Variants in DIS3L2 observed in about 807,000 individuals in gnomAD.
DIS3L2 encodes DIS3 like 3'-5' exoribonuclease 2.
A neutral mutation model predicts 97.5 loss-of-function variants in DIS3L2; 34 were observed. The observed-to-expected ratio is 0.35, with a 90% CI of 0.27 to 0.46. The LOEUF (loss-of-function observed/expected upper bound fraction) is 0.46, where lower values mean the gene tolerates loss of function less well. DIS3L2 is among the 20% of genes least tolerant of loss of function. DIS3L2 has a pLI of 1.00. For synonymous variants in DIS3L2, 435 were observed against 445.2 expected, an observed-to-expected ratio of 0.98 and a Z score of 0.29; for missense variants, 1,038 against 1,146.0, an observed-to-expected ratio of 0.91 and a Z score of 1.36.
At chr2:232,128,554 A>G (rs977540574) in intron 6 of DIS3L2, among the ~76,000 whole-genome samples, 1 of 138,852 alleles carries the variant, frequency 7.2e-6, no homozygotes, top group African/African-American at 2.7e-5. Flanking sequence ...TCCCAGGCTC[A>G]GGTGATCTTC....
chr2:232,253,080 C>T (rs1477107637), intron 12 of DIS3L2, among the ~76,000 whole-genome samples: 2 of 152,196 alleles, frequency 1.3e-5, no homozygotes, highest in Non-Finnish European at 2.9e-5. Flanking sequence ...CACTTCACAA[C>T]TCAGTTATGT....
At chr2:232,136,346 C>T in intron 7 of DIS3L2, 126 bp from the exon 8 acceptor site, 1 of 1,155,484 alleles carries the variant, frequency 8.7e-7, no homozygotes, top group Admixed American at 2.2e-5. Context: ...CACTGAGAGG[C>T]ACTTATTTTG....
intron 1 of DIS3L2, among the ~76,000 whole-genome samples, chr2:232,011,036 C>A (rs1331426639): frequency 2.0e-5 from 3 of 152,210 alleles, no homozygotes; most frequent in Non-Finnish European, 4.4e-5. Flanking sequence ...TTAGTGAGGT[C>A]TAGTGCCTTT....
intron 5 of DIS3L2, among the ~76,000 whole-genome samples, chr2:232,070,000 T>C (rs1168866291): frequency 6.6e-6 from 1 of 152,258 alleles, no homozygotes; most frequent in South Asian, 2.1e-4. Flanking sequence ...TACTAATACA[T>C]TGACTATGTT....
chr2:232,305,801 A>G (rs1376237997), intron 14 of DIS3L2, among the ~76,000 whole-genome samples: 1 of 152,114 alleles, frequency 6.6e-6, no homozygotes, highest in Non-Finnish European at 1.5e-5. Flanking sequence ...CTAAAAATAC[A>G]CAAATTAGTT....
intron 8 of DIS3L2, among the ~76,000 whole-genome samples, chr2:232,145,460 G>T (rs1690192644): frequency 6.6e-6 from 1 of 152,148 alleles, no homozygotes; most frequent in African/African-American, 2.4e-5. Flanking sequence ...GGTAAGTAAT[G>T]AGAGTTTTAT....
intron 6 of DIS3L2, among the ~76,000 whole-genome samples, chr2:232,109,706 C>A (rs56132752): frequency 0.015 from 2,219 of 152,114 alleles, 21 homozygotes; most frequent in Non-Finnish European, 0.021. Context: ...ACTATATACA[C>A]AAATCAACTC....
rs1290336548 is a variant in DIS3L2, at chr2:232,281,063, A to C, written c.1659+17623A>C. 6.6e-6 allele frequency among the ~76,000 whole-genome samples: 1 copy of C among 152,172 alleles called. No homozygotes were observed. Among genetic ancestry groups the C allele is most frequent in the Non-Finnish European group, 1.5e-5 (1 of 68,034 alleles). On this transcript the variant is annotated intron_variant, in intron 13 of 20. Transcript: ENST00000325385. This position sits in a 1 kb window ranked among gnomAD's most constrained non-coding sequence, Gnocchi z 4.1. ...TGGTGGTGGGAAATGTTGGGGATGTAACCAGGGCTGATCTGGAGGAACTTG... is the reference window on the plus strand; with the variant it reads ...TGGTGGTGGGAAATGTTGGGGATGTCACCAGGGCTGATCTGGAGGAACTTG...
chr2:232,249,768 C>T (rs986352815), intron 12 of DIS3L2, among the ~76,000 whole-genome samples: 1 of 152,180 alleles, frequency 6.6e-6, no homozygotes, highest in Non-Finnish European at 1.5e-5. Context: ...TGAAATCAAA[C>T]TGGAGAATCA....
intron 5 of DIS3L2, among the ~76,000 whole-genome samples, chr2:232,048,822 T>C (rs188833409): frequency 1.3e-5 from 2 of 152,342 alleles, no homozygotes; most frequent in Non-Finnish European, 2.9e-5. Flanking sequence ...TAGTGTGTTA[T>C]TGAATATAGT....
intron 10 of DIS3L2, among the ~76,000 whole-genome samples, chr2:232,220,335 TTAAA>T (rs1239505432): frequency 6.6e-6 from 1 of 150,992 alleles, no homozygotes; most frequent in East Asian, 2.0e-4. Flanking sequence ...CTTGGTGTTG[TTAAA>T]TAATAAATAA....
chr2:232,254,966 G>A (rs147542957), intron 12 of DIS3L2, among the ~76,000 whole-genome samples: 4 of 152,310 alleles, frequency 2.6e-5, no homozygotes, highest in African/African-American at 9.6e-5. Flanking sequence ...CAGACCAAGC[G>A]ACCACATGAG....
intron 10 of DIS3L2, among the ~76,000 whole-genome samples, chr2:232,216,517 C>A (rs1296936861): frequency 6.6e-6 from 1 of 152,186 alleles, no homozygotes; most frequent in Non-Finnish European, 1.5e-5. Context: ...TTTGATTGGT[C>A]ACCTTCTCCG....
chr2:232,216,624 A>G (rs907706902), intron 10 of DIS3L2, among the ~76,000 whole-genome samples: 1 of 151,734 alleles, frequency 6.6e-6, no homozygotes, highest in Admixed American at 6.6e-5. Flanking sequence ...GCTAACTAAC[A>G]TAGGTCAAAG....
chr2:232,115,297 A>T (rs1697670879), intron 6 of DIS3L2, among the ~76,000 whole-genome samples: 1 of 151,960 alleles, frequency 6.6e-6, no homozygotes, highest in Admixed American at 6.6e-5. Flanking sequence ...GTGATTGAAG[A>T]TTTTTTTAAA....
chr2:232,160,972 C>T (rs7577770), intron 8 of DIS3L2, among the ~76,000 whole-genome samples: 5,655 of 152,250 alleles, frequency 0.037, 256 homozygotes, highest in African/African-American at 0.098. Flanking sequence ...GGCTGGAGTA[C>T]AGTGGCGTGA....
At chr2:232,265,368 C>G (rs944052889) in intron 13 of DIS3L2, among the ~76,000 whole-genome samples, 45 of 152,340 alleles carry the variant, frequency 3.0e-4, no homozygotes, top group African/African-American at 1.0e-3. Flanking sequence ...TAACTACTAA[C>G]TGGATGCTAA....
intron 9 of DIS3L2, among the ~76,000 whole-genome samples, chr2:232,177,294 G>C (rs1192641112): frequency 6.8e-6 from 1 of 147,068 alleles, no homozygotes; most frequent in Admixed American, 6.8e-5. Flanking sequence ...ATAGCAGCAT[G>C]ATTTATAGTC....
rs114834684 is a variant in DIS3L2 at position 232,236,612 on chromosome 2, C to T, written c.1205-1921C>T. ...AGTGCCTAGGATCCCAGGAGAGAGA[C>T]CCTCTTTCCTGAAGTTCATATCATT... On this transcript the variant is annotated intron_variant, in intron 10 of 20. Coordinates refer to ENST00000325385, the MANE Select transcript of DIS3L2 (RefSeq NM_152383.5). Among the ~76,000 whole-genome samples, 1,019 of 152,256 alleles carry T rather than the reference C, an allele frequency of 6.7e-3. 16 individuals are homozygous for T. The highest frequency in any genetic ancestry group is 0.023 in the African/African-American group (971 of 41,550).
Sources: allele counts gnomAD v4.1 joint callset (sites outside exome capture counted in the v4.1 genomes callset), GRCh38; gene constraint gnomAD v4.1.1; non-coding constraint Gnocchi (gnomAD v3.1); transcripts MANE v1.5; gene names NCBI Gene and HGNC (gene_info 2026-07-23, HGNC 2026-07-21).